Variants in AGBL4 observed in about 807,000 individuals in gnomAD.
AGBL4 encodes the protein AGBL carboxypeptidase 4, also known as cytosolic carboxypeptidase 6.
AGBL4 carries 58 observed loss-of-function variants against 66.4 expected under a neutral mutation model. The ratio of observed to expected loss-of-function variants is 0.87; its 90% confidence interval spans 0.71 to 1.09. The LOEUF is 1.09. Ranked by LOEUF, AGBL4 falls within the 50% of genes least tolerant of loss-of-function variation. The pLI is 0.00. For synonymous variants in AGBL4, 234 were observed against 222.9 expected (o/e 1.05, Z -0.44); for missense variants, 579 against 631.0 (o/e 0.92, Z 0.88).
intron 4 of AGBL4, among the ~76,000 whole-genome samples, chr1:49,133,827 T>C (rs1375746864): frequency 6.6e-6 from 1 of 152,070 alleles, no homozygotes; most frequent in Non-Finnish European, 1.5e-5. Context: ...TTAGAAACAA[T>C]GTAAATGAAT....
At chr1:49,040,358 A>G (rs1307780811) in intron 5 of AGBL4, among the ~76,000 whole-genome samples, 3 of 152,104 alleles carry the variant, frequency 2.0e-5, no homozygotes, top group Non-Finnish European at 2.9e-5. Context: ...ACCCTCCTAC[A>G]TGGCTGATAA....
chr1:49,112,470 T>C (rs561711143), intron 4 of AGBL4, among the ~76,000 whole-genome samples: 1 of 152,296 alleles, frequency 6.6e-6, no homozygotes, highest in South Asian at 2.1e-4. Context: ...ACAATAAACT[T>C]TGCTGCATCA....
intron 6 of AGBL4, among the ~76,000 whole-genome samples, chr1:48,802,694 C>T (rs1645836767): frequency 6.6e-6 from 1 of 152,186 alleles, no homozygotes; most frequent in Non-Finnish European, 1.5e-5. Context: ...CAGAGTATAC[C>T]ACAGGTTCCA....
At chr1:48,899,983 G>A (rs1338039556) in intron 5 of AGBL4, among the ~76,000 whole-genome samples, 1 of 152,204 alleles carries the variant, frequency 6.6e-6, no homozygotes, top group African/African-American at 2.4e-5. Flanking sequence ...AGGGGCTGGG[G>A]TGGGGTCAGA....
intron 6 of AGBL4, among the ~76,000 whole-genome samples, chr1:48,700,674 A>G (rs1443511445): frequency 6.6e-6 from 1 of 152,186 alleles, no homozygotes; most frequent in Non-Finnish European, 1.5e-5. Context: ...ATCTACCCAC[A>G]AAAGAGCCAA....
At chr1:49,478,133 A>C (rs1249392598) in intron 3 of AGBL4, among the ~76,000 whole-genome samples, 1 of 151,946 alleles carries the variant, frequency 6.6e-6, no homozygotes, top group African/African-American at 2.4e-5. Context: ...GGTAGAGAAA[A>C]GATAGAGTTA....
At chr1:49,563,292 C>G (rs1383659315) in intron 3 of AGBL4, among the ~76,000 whole-genome samples, 1 of 152,042 alleles carries the variant, frequency 6.6e-6, no homozygotes, top group East Asian at 1.9e-4. Context: ...TAATTGAATG[C>G]TCTTTATTTC....
At chr1:48,847,107 C>A (rs1446258613) in intron 6 of AGBL4, among the ~76,000 whole-genome samples, 1 of 152,066 alleles carries the variant, frequency 6.6e-6, no homozygotes, top group Non-Finnish European at 1.5e-5. Flanking sequence ...TCGAGACCAG[C>A]CTGATCAACA....
At chr1:49,579,838 A>G (rs1265958646) in intron 3 of AGBL4, among the ~76,000 whole-genome samples, 1 of 152,214 alleles carries the variant, frequency 6.6e-6, no homozygotes, top group Non-Finnish European at 1.5e-5. Context: ...CATTTGGTCT[A>G]AAGTCCAATT....
intron 5 of AGBL4, among the ~76,000 whole-genome samples, chr1:48,895,586 C>T (rs949137408): frequency 3.9e-5 from 6 of 152,308 alleles, no homozygotes; most frequent in Non-Finnish European, 8.8e-5. Flanking sequence ...CATAATCAAT[C>T]AAGCGAGTTG....
At chr1:48,525,090 TTC>T in the AGBL4 span, among the ~76,000 whole-genome samples, 1 of 152,162 alleles carries the variant, frequency 6.6e-6, no homozygotes, top group African/African-American at 2.4e-5. Flanking sequence ...CAGCCACAAA[TTC>T]TCTGTGAATG....
chr1:48,699,296 G>C (rs1373044954), intron 6 of AGBL4, among the ~76,000 whole-genome samples: 1 of 152,076 alleles, frequency 6.6e-6, no homozygotes. Flanking sequence ...TGTAAAATAG[G>C]GACAATAATG....
At chr1:49,488,366 T>C (rs911996744) in intron 3 of AGBL4, among the ~76,000 whole-genome samples, 1 of 151,550 alleles carries the variant, frequency 6.6e-6, no homozygotes, top group Non-Finnish European at 1.5e-5. Context: ...ATTCTAATAG[T>C]TATTCTGTGG....
At chr1:49,587,479 T>A (rs1046885077) in intron 3 of AGBL4, among the ~76,000 whole-genome samples, 5 of 152,146 alleles carry the variant, frequency 3.3e-5, no homozygotes, top group African/African-American at 9.7e-5. Flanking sequence ...CACCTCTGTA[T>A]CACTTATGCC....
intron 1 of AGBL4, among the ~76,000 whole-genome samples, chr1:49,944,017 C>A (rs1447308955): frequency 6.6e-6 from 1 of 151,948 alleles, no homozygotes; most frequent in Non-Finnish European, 1.5e-5. Context: ...GGAACCCACA[C>A]CCCCATCCCC....
intron 6 of AGBL4, among the ~76,000 whole-genome samples, chr1:48,771,873 T>C (rs1557976444): frequency 6.6e-6 from 1 of 152,108 alleles, no homozygotes; most frequent in Non-Finnish European, 1.5e-5. Context: ...TTCCCCCAAG[T>C]GTGGGGTTTC....
chr1:49,554,763 G>A (rs1025487219), intron 3 of AGBL4, among the ~76,000 whole-genome samples: 2 of 152,174 alleles, frequency 1.3e-5, no homozygotes, highest in African/African-American at 4.8e-5. Flanking sequence ...TCCTTCTGAT[G>A]TTCAGATGTG....
At chr1:48,766,268 A>G (rs936218896) in intron 6 of AGBL4, among the ~76,000 whole-genome samples, 2 of 152,156 alleles carry the variant, frequency 1.3e-5, no homozygotes, top group African/African-American at 2.4e-5. Context: ...CTCTCCTCCT[A>G]AAGTCACCCA....
intron 11 of AGBL4, among the ~76,000 whole-genome samples, chr1:48,550,465 C>T (rs1644232881): frequency 6.6e-6 from 1 of 152,144 alleles, no homozygotes; most frequent in African/African-American, 2.4e-5. Context: ...CTGCCTGTCT[C>T]TTCTAGGGAT....
Sources: gnomAD v4.1 joint callset for allele counts (sites outside exome capture counted in the v4.1 genomes callset) on GRCh38, gnomAD v4.1.1 for gene constraint, MANE v1.5 for transcripts, NCBI Gene and HGNC (gene_info 2026-07-23, HGNC 2026-07-21) for gene names.